The following CACNA1C variants were observed in gnomAD, a reference collection of about 807,000 sequenced individuals.
CACNA1C encodes the protein voltage-dependent L-type calcium channel subunit alpha-1C.
Under a neutral mutation model 229.0 loss-of-function variants are expected in CACNA1C, and 30 were observed. The ratio of observed to expected loss-of-function variants is 0.13; its 90% confidence interval spans 0.10 to 0.18. The LOEUF is 0.18. Ranked by LOEUF, CACNA1C falls within the 10% of genes least tolerant of loss-of-function variation. CACNA1C has a pLI of 1.00. For missense variants in CACNA1C, 1,658 were observed against 2,845.0 expected (o/e 0.58, Z 9.49); for synonymous variants, 1,114 against 1,132.5 (o/e 0.98, Z 0.33).
chr12:2,058,217 C>CT (rs2056008505), intron 1 of CACNA1C, among the ~76,000 whole-genome samples: 1 of 152,196 alleles, frequency 6.6e-6, no homozygotes, highest in African/African-American at 2.4e-5. Flanking sequence ...GCAGCACTTT[C>CT]TTCCTTTTAC....
chr12:2,564,356 A>T, intron 11 of CACNA1C, among the ~76,000 whole-genome samples: 1 of 152,286 alleles, frequency 6.6e-6, no homozygotes, highest in Non-Finnish European at 1.5e-5. Flanking sequence ...CAGATTCTGC[A>T]TGCTTATTTA....
intron 4 of CACNA1C, among the ~76,000 whole-genome samples, chr12:2,455,098 C>G (rs2099409256): frequency 6.6e-6 from 1 of 152,200 alleles, no homozygotes. Context: ...GTCCTTCCAG[C>G]AATGGTTCCC....
intron 34 of CACNA1C, among the ~76,000 whole-genome samples, chr12:2,656,085 AAG>A (rs2095406896): frequency 6.6e-6 from 1 of 152,352 alleles, no homozygotes; most frequent in East Asian, 1.9e-4. Flanking sequence ...ATAATACTGG[AAG>A]TCCTAGCCAG....
chr12:1,996,244 T>C (rs1194480460), intron 1 of CACNA1C, among the ~76,000 whole-genome samples: 1 of 152,210 alleles, frequency 6.6e-6, no homozygotes, highest in Non-Finnish European at 1.5e-5. Context: ...ATTACTCTCC[T>C]GTTCATAAGC....
At chr12:2,314,295 G>GT (rs1182545208) in intron 3 of CACNA1C, among the ~76,000 whole-genome samples, 2 of 152,144 alleles carry the variant, frequency 1.3e-5, no homozygotes, top group Non-Finnish European at 2.9e-5. Context: ...TCTCACTGAG[G>GT]TTTTTTTGGA....
At chr12:2,444,065 C>G (rs1076341) in intron 3 of CACNA1C, among the ~76,000 whole-genome samples, 28,127 of 152,066 alleles carry the variant, frequency 0.18, 2,723 homozygotes, top group Middle Eastern at 0.21. Context: ...CCCGCTCTTA[C>G]TGGCTCTCTG....
At chr12:2,170,327 C>T (rs528735835) in intron 3 of CACNA1C, among the ~76,000 whole-genome samples, 5 of 152,226 alleles carry the variant, frequency 3.3e-5, no homozygotes, top group Admixed American at 6.5e-5. Flanking sequence ...CTTTACCTGC[C>T]GTGACTGAGA....
chr12:2,577,833 C>T (rs754896818), intron 13 of CACNA1C, among the ~76,000 whole-genome samples: 2 of 151,802 alleles, frequency 1.3e-5, no homozygotes, highest in Non-Finnish European at 2.9e-5. Context: ...CACATTCTGG[C>T]GAGGGCAAGC....
intron 18 of CACNA1C, among the ~76,000 whole-genome samples, chr12:2,586,915 T>A (rs1487236873): frequency 6.6e-6 from 1 of 152,202 alleles, no homozygotes; most frequent in Non-Finnish European, 1.5e-5. Flanking sequence ...GGCTTTGAAG[T>A]TCTTAAAACC....
intron 18 of CACNA1C, among the ~76,000 whole-genome samples, chr12:2,587,313 T>A (rs1398541336): frequency 6.6e-6 from 1 of 152,242 alleles, no homozygotes; most frequent in Admixed American, 6.5e-5. Flanking sequence ...GAGACTGTAC[T>A]CTTGTGTAAA....
chr12:2,682,203 G>A, intron 42 of CACNA1C: 1 of 613,742 alleles, frequency 1.6e-6, no homozygotes, highest in Non-Finnish European at 2.9e-6. Flanking sequence ...CAGCCTCTAA[G>A]TTAGGCAGGG....
chr12:2,620,488 C>T (rs2082696471), intron 29 of CACNA1C, among the ~76,000 whole-genome samples: 1 of 152,196 alleles, frequency 6.6e-6, no homozygotes, highest in African/African-American at 2.4e-5. Flanking sequence ...CTCGAGTCAC[C>T]ACCCTCTGGA....
At chr12:2,604,305 T>C (rs2074236334) in intron 22 of CACNA1C, among the ~76,000 whole-genome samples, 2 of 152,114 alleles carry the variant, frequency 1.3e-5, no homozygotes. Context: ...AGAAAAACTT[T>C]TGCTTCTGAG....
rs951158628 is a variant in CACNA1C at position 2,291,719 on chromosome 12, T to C, written c.478-157257T>C. Among the ~76,000 whole-genome samples the C allele has an allele frequency of 3.3e-5, 5 of 152,186 alleles. No homozygotes were observed. In the South Asian group the frequency reaches 8.3e-4, roughly 25 times the overall value. ...GGTAGAGCATCCAGGCTGCTTTTGA[T>C]TGGCTGTTTGTCCCTCCCACGAAGC... On this transcript the variant is annotated intron_variant, in intron 3 of 46. Transcript: ENST00000399655.
chr12:2,550,699 CG>C, intron 10 of CACNA1C: 1 of 1,301,428 alleles, frequency 7.7e-7, no homozygotes, highest in Non-Finnish European at 1.0e-6. Flanking sequence ...ACCTGGGGGG[CG>C]GGGCAGGGCG....
At chr12:2,609,881 T>C (rs1316303142) in intron 27 of CACNA1C, among the ~76,000 whole-genome samples, 1 of 152,096 alleles carries the variant, frequency 6.6e-6, no homozygotes, top group Non-Finnish European at 1.5e-5. Flanking sequence ...CCCAGCACTT[T>C]GGGAGGCCAA....
intron 3 of CACNA1C, among the ~76,000 whole-genome samples, chr12:2,258,438 G>A (rs1257351966): frequency 6.6e-6 from 1 of 151,442 alleles, no homozygotes; most frequent in Non-Finnish European, 1.5e-5. Context: ...TTTTTTAAAT[G>A]TGAAATTTTA....
chr12:2,069,682 C>T (rs1194797884), intron 1 of CACNA1C, among the ~76,000 whole-genome samples: 1 of 152,196 alleles, frequency 6.6e-6, no homozygotes, highest in Non-Finnish European at 1.5e-5. Flanking sequence ...CTTGTAACCT[C>T]ACTTATAATG....
chr12:2,102,694 C>T (rs2076872104), intron 1 of CACNA1C, among the ~76,000 whole-genome samples: 1 of 152,122 alleles, frequency 6.6e-6, no homozygotes, highest in Non-Finnish European at 1.5e-5. Context: ...ATCAACCCAT[C>T]ATCTACATTT....
Sources: gnomAD v4.1 joint callset for allele counts (sites outside exome capture counted in the v4.1 genomes callset) on GRCh38, gnomAD v4.1.1 for gene constraint, MANE v1.5 for transcripts, NCBI Gene and HGNC (gene_info 2026-07-23, HGNC 2026-07-21) for gene names.